XRCC3: variants seen among roughly 807,000 people sequenced by gnomAD.
The protein encoded by XRCC3 is DNA repair protein XRCC3.
A neutral mutation model predicts 29.2 loss-of-function variants in XRCC3; 34 were observed. That is an observed-to-expected ratio of 1.16 (90% CI 0.88 to 1.55). The LOEUF is 1.55. Among genes scored for constraint, XRCC3 ranks in the 40% most tolerant of loss-of-function variants. The pLI, the probability that XRCC3 is intolerant of heterozygous loss-of-function variation, is 0.00. For synonymous variants in XRCC3, 223 were observed against 211.3 expected, an observed-to-expected ratio of 1.06 and a Z score of -0.48; for missense variants, 463 against 467.6, an observed-to-expected ratio of 0.99 and a Z score of 0.09.
chr14:103,711,132 G>A lies in XRCC3; in HGVS notation c.-45C>T, dbSNP rs778350647. The stretch of plus-strand genomic sequence containing the variant: ...CCAGGATGAATAACTTCCCAGGAAA[G>A]ACAGAACAATGGATGCAAATTCTGA... On this transcript the variant is annotated 5_prime_UTR_variant, in exon 4 of 10. Coordinates refer to ENST00000555055, the MANE Select transcript of XRCC3 (RefSeq NM_005432.4). 7.5e-6 allele frequency: 12 copies of A among 1,607,720 alleles called. No individual in the cohort carries two copies. The East Asian group carries it at 2.5e-4, about 33-fold the overall frequency.
chr14:103,700,441 G>A (rs1238364739), intron 7 of XRCC3: 5 of 481,706 alleles, frequency 1.0e-5, no homozygotes, highest in South Asian at 1.0e-4. Context: ...TGATGGGGGA[G>A]GGTGACACAG....
intron 6 of XRCC3, 171 bp downstream of exon 6, chr14:103,706,832 T>C (rs2083452604): frequency 2.5e-6 from 2 of 806,378 alleles, no homozygotes; most frequent in South Asian, 1.6e-5. Flanking sequence ...CCAGCCTCAC[T>C]TCCCCCTCCC....
chr14:103,714,693 T>C (rs2083746718), intron 1 of XRCC3, among the ~76,000 whole-genome samples: 1 of 152,210 alleles, frequency 6.6e-6, no homozygotes, highest in Non-Finnish European at 1.5e-5. Flanking sequence ...TTTTGTGTGC[T>C]TTCTGAGATG....
Position 103,699,476 on chromosome 14 carries a change from C to T in XRCC3, c.662G>A (p.Cys221Tyr), listed in dbSNP as rs201886982. The change falls in exon 8 of 10, where the codon TGT becomes TAT. Residue 221 changes from cysteine (C) to tyrosine (Y), a missense_variant. Transcript: ENST00000555055. ...GGCGGAGGCCTGGCTGTCAAATTCA[C>T]AGCGGAATGGGGCTGCCACCGAGTC... ...VIDSVAAPFRCEFDSQASAPR... is the reference protein window; with the variant it reads ...VIDSVAAPFRYEFDSQASAPR... 5.0e-5 allele frequency: 80 copies of T among 1,612,764 alleles called. No individual in the cohort carries two copies. In the East Asian group the frequency reaches 1.3e-3, roughly 27 times the overall value.
At chr14:103,703,448 C>G in intron 6 of XRCC3, 121 bp from the exon 7 acceptor site, 1 of 1,233,238 alleles carries the variant, frequency 8.1e-7, no homozygotes, top group Non-Finnish European at 1.1e-6. Context: ...GGTTCTTTGC[C>G]CCTCGCCTGG....
chr14:103,702,733 G>C (rs1193361156), intron 7 of XRCC3: 1 of 199,506 alleles, frequency 5.0e-6, no homozygotes, highest in East Asian at 1.2e-4. Context: ...CCAGGATTCT[G>C]TTTGGCCAAA....
Position 103,707,179 on chromosome 14 carries a change from G to C in XRCC3, c.230C>G (p.Thr77Arg), listed in dbSNP as rs1003077931. Reference protein sequence around the residue: ...QLHQQKERFPTQHQRLSLGCP... With the variant: ...QLHQQKERFPRQHQRLSLGCP... ...GCCCAGGCTCAGGCGCTGGTGCTGC[G>C]TGGGGAACCGCTCCTTCTGCTGGTG... Residue 77 changes from threonine to arginine, a missense_variant, in exon 6 of 10, where the codon ACG becomes AGG. Transcript: ENST00000555055. The C allele has an allele frequency of 3.2e-6, 5 of 1,549,182 alleles. No homozygotes were observed. The highest frequency in any genetic ancestry group is 4.4e-6 in the Non-Finnish European group (5 of 1,146,748).
intron 4 of XRCC3, 128 bp from the exon 5 acceptor site, chr14:103,708,787 G>A: frequency 8.0e-7 from 1 of 1,255,356 alleles, no homozygotes; most frequent in Non-Finnish European, 1.1e-6. Flanking sequence ...GACAAGGTGG[G>A]TAGGGACCGG....
chr14:103,708,579 C>A lies in XRCC3; in HGVS notation c.136G>T (p.Val46Phe), dbSNP rs2083523590. ...KRLTNLSSPE[V>F]WHLLRTASLH... The stretch of plus-strand genomic sequence containing the variant: ...GAGGCCGTTCTCAGCAAGTGCCAGA[C>A]CTCGGGGCTGGAGAGGTTGGTCAGT... The change falls in exon 5 of 10, where the codon GTC becomes TTC. Residue 46 changes from valine (V) to phenylalanine (F), a missense_variant. Val to Phe is a conservative substitution (Grantham distance 50). Transcript: ENST00000555055. 6.2e-7 allele frequency: 1 copy of A among 1,614,228 alleles called. No individual in the cohort carries two copies. The highest frequency in any genetic ancestry group is 8.5e-7 in the Non-Finnish European group (1 of 1,180,046).
chr14:103,708,901 C>A (rs1444663655), intron 4 of XRCC3: 5 of 517,910 alleles, frequency 9.7e-6, no homozygotes, highest in Admixed American at 5.4e-5. Context: ...CGGACAGATA[C>A]CAGCCTCGTG....
rs781206798 is a variant in XRCC3, at chr14:103,699,458, G to T, written c.680C>A (p.Ala227Asp). ...APFRCEFDSQ[A>D]SAPRARHLQS... ...CAGATGCCTGGCCCTGGGGGCGGAG[G>T]CCTGGCTGTCAAATTCACAGCGGAA... The change falls in exon 8 of 10, where the codon GCC (alanine) becomes GAC (aspartate). Residue 227 changes from alanine to aspartate, a missense_variant. Transcript: ENST00000555055. 2.5e-6 allele frequency: 4 copies of T among 1,612,818 alleles called. No homozygotes were observed. Among genetic ancestry groups the T allele is most frequent in the East Asian group, 4.5e-5 (2 of 44,846 alleles).
rs778439328 is a variant in XRCC3, at chr14:103,703,249, C to G, written c.485G>C (p.Arg162Pro). 23 of 1,562,482 alleles carry G rather than the reference C, an allele frequency of 1.5e-5. No individual in the cohort carries two copies. Among genetic ancestry groups the G allele is most frequent in the Non-Finnish European group, 1.9e-5 (22 of 1,154,706 alleles). ...AAGCAGCTCTCCTGGAACGTCAGTG[C>G]GCAGCCGCGGCTGCTGGGCCATGAG... ...QQLMAQQPRL[R>P]TDVPGELLQK... Residue 162 changes from arginine to proline, a missense_variant, in exon 7 of 10, where the codon CGC becomes CCC. Coordinates refer to ENST00000555055, the MANE Select transcript of XRCC3 (RefSeq NM_005432.4).
In XRCC3 at chr14:103,703,258, G is replaced by A. The variant is rs199681385; in HGVS notation, c.476C>T (p.Pro159Leu). The A allele has an allele frequency of 1.0e-5, 16 of 1,560,844 alleles. No homozygotes were observed. Among genetic ancestry groups the A allele is most frequent in the East Asian group, 4.8e-5 (2 of 41,842 alleles). The change falls in exon 7 of 10, where the codon CCG (proline) becomes CTG (leucine). Residue 159 changes from proline (P) to leucine (L), a missense_variant. Transcript: ENST00000555055. ...TCCTGGAACGTCAGTGCGCAGCCGCGGCTGCTGGGCCATGAGCTGCTGCAG... is the reference window on the plus strand; with the variant it reads ...TCCTGGAACGTCAGTGCGCAGCCGCAGCTGCTGGGCCATGAGCTGCTGCAG... The part of the protein sequence containing the change: ...KRLQQLMAQQ[P>L]RLRTDVPGEL...
Position 103,699,494 on chromosome 14 carries a change from A to G in XRCC3, c.644T>C (p.Val215Ala), listed in dbSNP as rs2082923957. ...GMARLVVIDS[V>A]AAPFRCEFDS... Reference sequence around the variant, plus strand: ...AAATTCACAGCGGAATGGGGCTGCCACCGAGTCGATGACCACCAGGCGAGC... The same window carrying G: ...AAATTCACAGCGGAATGGGGCTGCCGCCGAGTCGATGACCACCAGGCGAGC... The change falls in exon 8 of 10, where the codon GTG becomes GCG. Residue 215 changes from valine (V) to alanine (A), a missense_variant. Physicochemically the swap from Val to Ala is moderately conservative, Grantham distance 64 (BLOSUM62 0). Transcript: ENST00000555055. The G allele has an allele frequency of 6.2e-7, 1 of 1,612,604 alleles. No individual in the cohort carries two copies. Among genetic ancestry groups the G allele is most frequent in the Non-Finnish European group, 8.5e-7 (1 of 1,179,946 alleles).
At chr14:103,714,506 T>C (rs909702943) in intron 1 of XRCC3, among the ~76,000 whole-genome samples, 2 of 149,886 alleles carry the variant, frequency 1.3e-5, no homozygotes, top group Non-Finnish European at 3.0e-5. Flanking sequence ...GCCAGTGTAG[T>C]GGCGCTTGCG....
In XRCC3 at chr14:103,698,729, G is replaced by A. The variant is rs2082791080; in HGVS notation, c.*69C>T. Reference sequence around the variant, plus strand: ...CAGCTGTGCCACGGCCCAGGCAGACGCGTTTTAAAGGCCCGAGCCCCGTGT... The same window carrying A: ...CAGCTGTGCCACGGCCCAGGCAGACACGTTTTAAAGGCCCGAGCCCCGTGT... On this transcript the variant is annotated 3_prime_UTR_variant, in exon 10 of 10. Coordinates refer to ENST00000555055, the MANE Select transcript of XRCC3 (RefSeq NM_005432.4). 9 of 1,403,594 alleles carry A rather than the reference G, an allele frequency of 6.4e-6. No homozygotes were observed. The highest frequency in any genetic ancestry group is 2.5e-5 in the East Asian group (1 of 40,210). The allele number at this position is 1,403,594 out of a possible 1,614,324, so 86.9% of individuals were successfully genotyped here. A position where few individuals can be genotyped will look rare whatever the true frequency, so the allele number is the denominator to read the frequency against.
intron 7 of XRCC3, 52 bp downstream of exon 7, chr14:103,703,121 T>C: frequency 6.5e-7 from 1 of 1,545,682 alleles, no homozygotes. Flanking sequence ...CCTGCCCCAA[T>C]GGTCCTGAAT....
chr14:103,699,535 C>G lies in XRCC3; in HGVS notation c.603G>C (p.Leu201=). The change falls in exon 8 of 10, where the codon CTG becomes CTC. Residue 201 remains leucine, a synonymous_variant. Transcript: ENST00000555055. ...CCAGGCGAGCCATGCCCCGAGACAG[C>G]AGTACGGGGACCTTCTTATTCACAC... The part of the protein sequence containing the change: ...LECVNKKVPV[L]LSRGMARLVV... The G allele has an allele frequency of 2.5e-6, 4 of 1,613,558 alleles. No individual in the cohort carries two copies. Among genetic ancestry groups the G allele is most frequent in the Middle Eastern group, 1.6e-4 (1 of 6,062 alleles).
chr14:103,705,851 G>A (rs2083415798), intron 6 of XRCC3: 1 of 164,774 alleles, frequency 6.1e-6, no homozygotes, highest in Admixed American at 5.8e-5. Flanking sequence ...GAGAATGAGG[G>A]CGGCTCCCGT....
Sources: allele counts gnomAD v4.1 joint callset (sites outside exome capture counted in the v4.1 genomes callset), GRCh38; gene constraint gnomAD v4.1.1; transcripts MANE v1.5; gene names NCBI Gene and HGNC (gene_info 2026-07-23, HGNC 2026-07-21).